SLC1A1: variants seen among roughly 807,000 people sequenced by gnomAD.
SLC1A1 encodes excitatory amino acid transporter 3.
Under a neutral mutation model 53.3 loss-of-function variants are expected in SLC1A1, and 43 were observed. The observed-to-expected ratio is 0.81, with a 90% CI of 0.63 to 1.04. The LOEUF is 1.04. Ranked by LOEUF, SLC1A1 falls within the 50% of genes least tolerant of loss-of-function variation. SLC1A1 has a pLI of 0.00. For synonymous variants in SLC1A1, 307 were observed against 243.2 expected (o/e 1.26, Z -2.44); for missense variants, 748 against 664.9 (o/e 1.12, Z -1.37).
At chr9:4,498,068 G>C (rs1471943321) in intron 1 of SLC1A1, among the ~76,000 whole-genome samples, 5 of 152,158 alleles carry the variant, frequency 3.3e-5, no homozygotes, top group Non-Finnish European at 5.9e-5. Context: ...GTTGACTTGG[G>C]TTATAAAACC....
chr9:4,546,927 A>G (rs1207378770), intron 2 of SLC1A1, among the ~76,000 whole-genome samples: 1 of 152,234 alleles, frequency 6.6e-6, no homozygotes, highest in East Asian at 1.9e-4. Context: ...TGCATAAACC[A>G]CCTGATGAGC....
intron 1 of SLC1A1, among the ~76,000 whole-genome samples, chr9:4,516,504 C>A (rs1446075001): frequency 6.6e-6 from 1 of 152,146 alleles, no homozygotes; most frequent in Admixed American, 6.5e-5. Flanking sequence ...TTACCCGACC[C>A]AAACTATGGA....
At chr9:4,535,458 A>G (rs527719662) in intron 1 of SLC1A1, among the ~76,000 whole-genome samples, 52 of 152,324 alleles carry the variant, frequency 3.4e-4, no homozygotes, top group African/African-American at 9.4e-4. Context: ...CCCATTCACA[A>G]TTGCTTCAAA....
chr9:4,523,350 T>C lies in SLC1A1; in HGVS notation c.92-21217T>C, dbSNP rs922346415. ...AATTTCAGAAGATACCAAATGCCTT[T>C]TCTTTTTTTTTTTCCACATGCCATT... is the stretch of plus-strand genomic sequence containing the variant. On this transcript the variant is annotated intron_variant, in intron 1 of 11. Coordinates refer to ENST00000262352, the MANE Select transcript of SLC1A1 (RefSeq NM_004170.6). Among the ~76,000 whole-genome samples the C allele has an allele frequency of 2.4e-4, 35 of 148,182 alleles. 1 individual carries two copies. The highest frequency in any genetic ancestry group is 7.6e-4 in the African/African-American group (30 of 39,270).
intron 1 of SLC1A1, among the ~76,000 whole-genome samples, chr9:4,526,724 A>G (rs1163869373): frequency 2.6e-5 from 4 of 152,186 alleles, no homozygotes; most frequent in African/African-American, 9.7e-5. Flanking sequence ...AATTACAATT[A>G]AGAAATAAAG....
chr9:4,531,111 C>T (rs533414419), intron 1 of SLC1A1, among the ~76,000 whole-genome samples: 36 of 152,294 alleles, frequency 2.4e-4, no homozygotes, highest in African/African-American at 8.4e-4. Context: ...GAGCTCCAGT[C>T]TACAGCTCCC....
Position 4,586,193 on chromosome 9 carries a change from A to T in SLC1A1, c.*635A>T, listed in dbSNP as rs1280193792. ...TGTATTGGGACGCTGGTAACTGTTA[A>T]CCCAGTGTTCAGCATAGAGCTATAT... On this transcript the variant is annotated 3_prime_UTR_variant, in exon 12 of 12. Transcript: ENST00000262352. 6.5e-6 allele frequency: 1 copy of T among 154,622 alleles called. No individual in the cohort carries two copies. The highest frequency in any genetic ancestry group is 1.4e-5 in the Non-Finnish European group (1 of 69,808). 9.6% of individuals were successfully genotyped at this position (154,622 alleles called of 1,614,324 possible). A position where few individuals can be genotyped will look rare whatever the true frequency, so the allele number is the denominator to read the frequency against.
intron 11 of SLC1A1, among the ~76,000 whole-genome samples, chr9:4,584,868 A>G (rs1160218060): frequency 1.3e-5 from 2 of 152,222 alleles, no homozygotes; most frequent in Non-Finnish European, 2.9e-5. Context: ...GAACAAACAC[A>G]TACATACCCC....
At chr9:4,505,405 A>G (rs1449554206) in intron 1 of SLC1A1, among the ~76,000 whole-genome samples, 1 of 152,028 alleles carries the variant, frequency 6.6e-6, no homozygotes, top group Non-Finnish European at 1.5e-5. Flanking sequence ...TCACCTTTTA[A>G]GTTCACAGAA....
chr9:4,511,577 A>ACACACACACAC (rs1821001034), intron 1 of SLC1A1, among the ~76,000 whole-genome samples: 1 of 149,906 alleles, frequency 6.7e-6, no homozygotes, highest in African/African-American at 2.5e-5. Context: ...ACACACACAC[A>ACACACACACAC]CACACACACA....
intron 10 of SLC1A1, among the ~76,000 whole-genome samples, chr9:4,579,138 T>A (rs1820831861): frequency 6.6e-6 from 1 of 152,180 alleles, no homozygotes; most frequent in African/African-American, 2.4e-5. Flanking sequence ...TGGGGAACTA[T>A]CCCAATGCTG....
intron 1 of SLC1A1, among the ~76,000 whole-genome samples, chr9:4,517,503 A>T (rs1232441468): frequency 4.6e-5 from 7 of 152,144 alleles, no homozygotes; most frequent in African/African-American, 1.7e-4. Context: ...AGACCACGGG[A>T]GGCTTCTTGT....
intron 1 of SLC1A1, among the ~76,000 whole-genome samples, chr9:4,532,858 T>G (rs1032460037): frequency 2.0e-5 from 3 of 152,114 alleles, no homozygotes; most frequent in Non-Finnish European, 2.9e-5. Flanking sequence ...GACTAACAGC[T>G]GATCTCTCGG....
chr9:4,569,819 G>C (rs1000335050), intron 6 of SLC1A1, among the ~76,000 whole-genome samples: 9 of 152,082 alleles, frequency 5.9e-5, no homozygotes, highest in Non-Finnish European at 4.4e-5. Context: ...TTTTGATGTT[G>C]TTCCACAAAT....
At chr9:4,529,692 T>TGTG (rs1004894367) in intron 1 of SLC1A1, among the ~76,000 whole-genome samples, 4 of 151,724 alleles carry the variant, frequency 2.6e-5, no homozygotes, top group Non-Finnish European at 5.9e-5. Flanking sequence ...GAAACTTTTT[T>TGTG]TGTGTGTGTG....
chr9:4,506,505 C>G (rs959248364), intron 1 of SLC1A1, among the ~76,000 whole-genome samples: 2 of 151,674 alleles, frequency 1.3e-5, no homozygotes, highest in African/African-American at 4.8e-5. Flanking sequence ...TCCTCTGTAT[C>G]TGGTTTAACA....
At position 4,544,723 on chromosome 9, in the gene SLC1A1, A is replaced by C. The variant is rs1035151608; in HGVS notation, c.232+16A>C. 5 of 1,601,206 alleles carry C rather than the reference A, an allele frequency of 3.1e-6. No individual in the cohort carries two copies. The African/African-American group carries it at 4.0e-5, about 13-fold the overall frequency. ...ATGATTACAGGTACCTTGAGAAAAC[A>C]GATGTTCTCTATATTAGTCCATTTT... On this transcript the variant is annotated intron_variant, in intron 2 of 11. Transcript: ENST00000262352.
At chr9:4,527,890 A>G (rs1816319831) in intron 1 of SLC1A1, among the ~76,000 whole-genome samples, 2 of 151,926 alleles carry the variant, frequency 1.3e-5, no homozygotes, top group African/African-American at 4.8e-5. Flanking sequence ...AAGAAATAAA[A>G]CCCTCCTGAA....
At chr9:4,548,205 C>A (rs978671065) in intron 2 of SLC1A1, among the ~76,000 whole-genome samples, 2 of 152,132 alleles carry the variant, frequency 1.3e-5, no homozygotes, top group African/African-American at 4.8e-5. Context: ...GCCACCTTTA[C>A]CTGGTACACA....
Sources: gnomAD v4.1 joint callset for allele counts (sites outside exome capture counted in the v4.1 genomes callset) on GRCh38, gnomAD v4.1.1 for gene constraint, MANE v1.5 for transcripts, NCBI Gene and HGNC (gene_info 2026-07-23, HGNC 2026-07-21) for gene names.